The following PIEZO1 variants were observed in gnomAD, a reference collection of about 807,000 sequenced individuals.
PIEZO1 encodes piezo type mechanosensitive ion channel component 1 (Er blood group), also known as piezo-type mechanosensitive ion channel component 1.
Under a neutral mutation model 297.2 loss-of-function variants are expected in PIEZO1, and 296 were observed. That is an observed-to-expected ratio of 1.00 (90% CI 0.91 to 1.10). The LOEUF is 1.10. Among genes scored for constraint, PIEZO1 ranks in the 50% least tolerant of loss-of-function variants. The pLI is 0.00. For missense variants in PIEZO1, 5,018 were observed against 3,455.5 expected (o/e 1.45, Z -11.34); for synonymous variants, 2,427 against 1,507.5 (o/e 1.61, Z -14.13).
intron 2 of PIEZO1, among the ~76,000 whole-genome samples, chr16:88,747,603 G>A (rs533590033): frequency 3.3e-5 from 5 of 152,296 alleles, no homozygotes; most frequent in African/African-American, 7.2e-5. Flanking sequence ...CAGATGTCGC[G>A]AGGCCGGAGA....
chr16:88,729,425 T>C (rs71395321), intron 22 of PIEZO1, among the ~76,000 whole-genome samples: 13 of 84,438 alleles, frequency 1.5e-4, no homozygotes, highest in Admixed American at 3.7e-4. Context: ...ACCCTCGATG[T>C]TGGGGAACCC....
At chr16:88,719,264 A>C (rs1377679969) in intron 44 of PIEZO1, 1 of 333,986 alleles carries the variant, frequency 3.0e-6, no homozygotes, top group East Asian at 6.1e-5. Flanking sequence ...TCTCTCTGAG[A>C]AAGGCCATTA....
chr16:88,730,080 G>A (rs1474623930), intron 22 of PIEZO1, among the ~76,000 whole-genome samples: 1 of 152,264 alleles, frequency 6.6e-6, no homozygotes. Context: ...GAGACGGGGA[G>A]CTGGCCTCGG....
intron 32 of PIEZO1, 25 bp downstream of exon 32, chr16:88,723,201 A>G (rs541481919): frequency 6.5e-7 from 1 of 1,548,880 alleles, no homozygotes; most frequent in South Asian, 1.2e-5. Flanking sequence ...GCTTCCCCTC[A>G]GAGTCCCCAC....
chr16:88,715,634 T>C lies in PIEZO1; in HGVS notation c.7537A>G (p.Met2513Val), dbSNP rs992857659. 33 of 1,550,030 alleles carry C rather than the reference T, an allele frequency of 2.1e-5. No homozygotes were observed. Among genetic ancestry groups the C allele is most frequent in the Non-Finnish European group, 2.8e-5 (32 of 1,146,912 alleles). ...LIFLYRSPETMIKWTREKE is the reference protein window; with the variant it reads ...LIFLYRSPETVIKWTREKE ...TCCTTCTCACGAGTCCACTTGATCA[T>C]GGTCTCCGGTGAGCGGTAGAGGAAG... Residue 2513 changes from methionine to valine, a missense_variant, in exon 51 of 51, where the codon ATG becomes GTG. Transcript: ENST00000301015.
chr16:88,717,381 C>T (rs1912127017), intron 44 of PIEZO1, 170 bp from the exon 45 acceptor site: 7 of 662,170 alleles, frequency 1.1e-5, no homozygotes, highest in Non-Finnish European at 1.9e-5. Flanking sequence ...ACTAAGAGTC[C>T]AGTTGGAACC....
rs1298923890 is a variant in PIEZO1 at position 88,775,455 on chromosome 16, G to A, written c.64+9446C>T. Among the ~76,000 whole-genome samples, 8 of 152,208 alleles carry A rather than the reference G, an allele frequency of 5.3e-5. No individual in the cohort carries two copies. The East Asian group carries it at 5.8e-4, about 11-fold the overall frequency. The stretch of plus-strand genomic sequence containing the variant: ...TAAAAACACATGGCGGGGGCCCGGC[G>A]CAGTGGCTCACGCCTGTAATCCCAG... On this transcript the variant is annotated intron_variant, in intron 1 of 50. Transcript: ENST00000301015.
At chr16:88,784,492 T>C (rs1908084503) in intron 1 of PIEZO1, among the ~76,000 whole-genome samples, 1 of 151,550 alleles carries the variant, frequency 6.6e-6, no homozygotes, top group South Asian at 2.1e-4. Context: ...CTTTGCGCTT[T>C]TTTTTTTAAA....
rs1016681459 is a variant in PIEZO1, at chr16:88,765,669, T to C, written c.65-16190A>G. ...AGAGAGCCCAAGTCGTTATCTCTAA[T>C]TTTTTTTTTTTTTTTTTTTGAGACA... On this transcript the variant is annotated intron_variant, in intron 1 of 50. Transcript: ENST00000301015. 3.1e-3 allele frequency among the ~76,000 whole-genome samples: 284 copies of C among 92,092 alleles called. 3 individuals are homozygous for C. The highest frequency in any genetic ancestry group is 0.013 in the African/African-American group (276 of 21,902). 60.4% of individuals were successfully genotyped at this position (92,092 alleles called of 152,430 possible). A position where few individuals can be genotyped will look rare whatever the true frequency, so the allele number is the denominator to read the frequency against.
chr16:88,723,013 C>T lies in PIEZO1; in HGVS notation c.4496-4G>A, dbSNP rs1435467627. 1.1e-5 allele frequency: 9 copies of T among 793,448 alleles called. No homozygotes were observed. Among genetic ancestry groups the T allele is most frequent in the East Asian group, 6.4e-5 (1 of 15,718 alleles). The allele number at this position is 793,448 out of a possible 1,614,324, so 49.2% of individuals were successfully genotyped here. ...CTCTGCACCACATGGCTCCGGCCTG[C>T]GGGAGGGCGGGAGGGGGCGCTGGAG... On this transcript the variant is annotated splice_polypyrimidine_tract_variant and splice_region_variant and intron_variant, in intron 33 of 50. Transcript: ENST00000301015.
At chr16:88,747,231 G>GGAAA (rs60202339) in intron 2 of PIEZO1, among the ~76,000 whole-genome samples, 60 of 121,612 alleles carry the variant, frequency 4.9e-4, no homozygotes, top group African/African-American at 1.7e-3. Context: ...ACCCCCACTC[G>GGAAA]AAAAAAAAAA....
At chr16:88,733,524 G>T in intron 18 of PIEZO1, 64 bp downstream of exon 18, 1 of 1,529,004 alleles carries the variant, frequency 6.5e-7, no homozygotes, top group South Asian at 1.2e-5. Context: ...GCTTGGGGAG[G>T]CCAGCTGGGC....
In PIEZO1 at chr16:88,733,429, A is replaced by G. The variant is rs563277801; in HGVS notation, c.2513T>C (p.Val838Ala). 1.3e-6 allele frequency: 2 copies of G among 1,549,126 alleles called. No homozygotes were observed. The highest frequency in any genetic ancestry group is 1.2e-5 in the South Asian group (1 of 84,036). The change falls in exon 19 of 51, where the codon GTG becomes GCG. Residue 838 changes from valine (V) to alanine (A), a missense_variant. Val to Ala is a moderately conservative substitution (Grantham distance 64). Coordinates refer to ENST00000301015, the MANE Select transcript of PIEZO1 (RefSeq NM_001142864.4). ...KEVSVMNLLL[V>A]VLWAFALPYP... ...GGGCAGGGCGAAGGCCCACAGCACCACCAGCAGCAGGTTCATCACCGACAC... is the reference window on the plus strand; with the variant it reads ...GGGCAGGGCGAAGGCCCACAGCACCGCCAGCAGCAGGTTCATCACCGACAC...
rs941576083 is a variant in PIEZO1 at position 88,734,607 on chromosome 16, G to A, written c.1997+43C>T. ...CCGCTGCAGCCCCGGGGAAGTGCACGGGGTTTCGGCGCCCCTGCCCCACCG... is the reference window on the plus strand; with the variant it reads ...CCGCTGCAGCCCCGGGGAAGTGCACAGGGTTTCGGCGCCCCTGCCCCACCG... On this transcript the variant is annotated intron_variant, in intron 15 of 50. Coordinates refer to ENST00000301015, the MANE Select transcript of PIEZO1 (RefSeq NM_001142864.4). The A allele has an allele frequency of 1.9e-5, 30 of 1,549,094 alleles. No homozygotes were observed. The Admixed American group carries it at 2.2e-4, about 11-fold the overall frequency.
Position 88,734,696 on chromosome 16 carries a change from C to G in PIEZO1, c.1951G>C (p.Asp651His). ...AGGTTGCGCCAGTAGGCAGGGAAGTCCTGGAACTGGAAGGTGTAGACGGCG... is the reference window on the plus strand; with the variant it reads ...AGGTTGCGCCAGTAGGCAGGGAAGTGCTGGAACTGGAAGGTGTAGACGGCG... ...LIAVYTFQFQ[D>H]FPAYWRNLTG... is the part of the protein sequence containing the mutation. The change falls in exon 15 of 51, where the codon GAC becomes CAC. Residue 651 changes from aspartate to histidine, a missense_variant. By Grantham distance (81) the Asp-to-His change is moderately conservative (BLOSUM62 -1). Coordinates refer to ENST00000301015, the MANE Select transcript of PIEZO1 (RefSeq NM_001142864.4). 6.5e-7 allele frequency: 1 copy of G among 1,550,362 alleles called. No individual in the cohort carries two copies.
Position 88,757,331 on chromosome 16 carries a change from G to GGT in PIEZO1, c.65-7853_65-7852insAC, listed in dbSNP as rs1555561005. ...GGGGCGTTGCTGGCGGGGGGGTGGG[G>GGT]GGTAGTTACCTAACCTGCCTGCTTT... On this transcript the variant is annotated intron_variant, in intron 1 of 50. Transcript: ENST00000301015. Among the ~76,000 whole-genome samples, 404 of 117,314 alleles carry GGT rather than the reference G, an allele frequency of 3.4e-3. 12 individuals are homozygous for GGT. Among genetic ancestry groups the GGT allele is most frequent in the African/African-American group, 0.017 (389 of 23,472 alleles). 77.0% of individuals were successfully genotyped at this position (117,314 alleles called of 152,430 possible).
At chr16:88,780,429 G>C (rs1410983717) in intron 1 of PIEZO1, among the ~76,000 whole-genome samples, 2 of 152,174 alleles carry the variant, frequency 1.3e-5, no homozygotes, top group Non-Finnish European at 2.9e-5. Flanking sequence ...TCACCCAGGA[G>C]ACTCAGGCCT....
In PIEZO1 at chr16:88,735,033, G is replaced by C; in HGVS notation, c.1690C>G (p.Leu564Val). Residue 564 changes from leucine (L) to valine (V), a missense_variant, in exon 14 of 51, where the codon CTG becomes GTG. Transcript: ENST00000301015. ...ADTEPTRTQT[L>V]LQSLGELVKG... ...ACCAGCTCCCCCAGGCTCTGCAACAGCGTCTGCGTCCGCGTGGGCTCTGTG... is the reference window on the plus strand; with the variant it reads ...ACCAGCTCCCCCAGGCTCTGCAACACCGTCTGCGTCCGCGTGGGCTCTGTG... 6.4e-7 allele frequency: 1 copy of C among 1,550,440 alleles called. No individual in the cohort carries two copies.
In PIEZO1 at chr16:88,716,649, C is replaced by G; in HGVS notation, c.6836G>C (p.Arg2279Pro). ...QIEGSSGALW[R>P]ISPPSRAQMK... ...CTGGGCACGGCTGGGGGGACTGATG[C>G]GCCACAGCGCCCCGGAGCTGCCCTC... The change falls in exon 47 of 51, where the codon CGC (arginine) becomes CCC (proline). Residue 2279 changes from arginine to proline, a missense_variant. Arg to Pro is a moderately radical substitution (Grantham distance 103). Transcript: ENST00000301015. The G allele has an allele frequency of 6.5e-7, 1 of 1,549,494 alleles. No individual in the cohort carries two copies. Among genetic ancestry groups the G allele is most frequent in the Non-Finnish European group, 8.7e-7 (1 of 1,146,918 alleles).
Sources: allele counts gnomAD v4.1 joint callset (sites outside exome capture counted in the v4.1 genomes callset), GRCh38; gene constraint gnomAD v4.1.1; transcripts MANE v1.5; gene names NCBI Gene and HGNC (gene_info 2026-07-23, HGNC 2026-07-21).